IFIT1: variants seen among roughly 807,000 people sequenced by gnomAD.
The protein encoded by IFIT1 is interferon induced protein with tetratricopeptide repeats 1.
IFIT1 carries 1 observed loss-of-function variant against 2.5 expected under a neutral mutation model. That is an observed-to-expected ratio of 0.40 (90% CI 0.14 to 1.92). IFIT1 has a LOEUF of 1.92. Ranked by LOEUF, IFIT1 falls within the 40% of genes most tolerant of loss-of-function variation. The probability of loss-of-function intolerance (pLI) is 0.31; values close to 1 mark genes in which losing one functional copy is unlikely to be tolerated. For missense variants in IFIT1, 508 were observed against 557.8 expected, an observed-to-expected ratio of 0.91 and a Z score of 0.90; for synonymous variants, 191 against 201.7, an observed-to-expected ratio of 0.95 and a Z score of 0.45.
intron 1 of IFIT1, chr10:89,393,270 C>A: frequency 1.6e-6 from 2 of 1,289,656 alleles, no homozygotes; most frequent in Non-Finnish European, 2.0e-6. Context: ...TGGCCTCTTA[C>A]AACAGGTTTT....
chr10:89,403,260 T>C lies in IFIT1; in HGVS notation c.985T>C (p.Phe329Leu). The change falls in exon 2 of 2, where the codon TTT becomes CTT. Residue 329 changes from phenylalanine (F) to leucine (L), a missense_variant. Physicochemically the swap from Phe to Leu is conservative, Grantham distance 22. Coordinates refer to ENST00000371804, the MANE Select transcript of IFIT1 (RefSeq NM_001548.5). ...AATGATAAGATCAGCCATATTTCAT[T>C]TTGAATCTGCAGTGGAAAAAAAGCC... ...DKMIRSAIFH[F>L]ESAVEKKPTF... 6.2e-7 allele frequency: 1 copy of C among 1,614,132 alleles called. No homozygotes were observed. Among genetic ancestry groups the C allele is most frequent in the Non-Finnish European group, 8.5e-7 (1 of 1,180,022 alleles).
intron 1 of IFIT1, among the ~76,000 whole-genome samples, chr10:89,398,122 T>C (rs1371040462): frequency 6.6e-6 from 1 of 152,122 alleles, no homozygotes; most frequent in African/African-American, 2.4e-5. Context: ...CGGGAAAAAC[T>C]ATAGGGAAAG....
In IFIT1 at chr10:89,406,067, C is replaced by T. The variant is rs892462817; in HGVS notation, c.*2355C>T. The T allele has an allele frequency of 6.6e-6, 1 of 152,184 alleles. No homozygotes were observed. Among genetic ancestry groups the T allele is most frequent in the Non-Finnish European group, 1.5e-5 (1 of 68,044 alleles). 9.4% of individuals were successfully genotyped at this position (152,184 alleles called of 1,614,324 possible). ...ATTATGGCACATCTCACATTAAATG[C>T]TATATTTTCGTTGGAAATACATTTT... On this transcript the variant is annotated 3_prime_UTR_variant, in exon 2 of 2. Transcript: ENST00000371804.
At chr10:89,397,563 A>G (rs1844362624) in intron 1 of IFIT1, among the ~76,000 whole-genome samples, 1 of 152,096 alleles carries the variant, frequency 6.6e-6, no homozygotes, top group East Asian at 1.9e-4. Flanking sequence ...TTTTATAGAG[A>G]CAGGGTCTTA....
In IFIT1 at chr10:89,403,816, A is replaced by C; in HGVS notation, c.*104A>C. On this transcript the variant is annotated 3_prime_UTR_variant, in exon 2 of 2. Transcript: ENST00000371804. ...TTCAGAAACATTATAATTCACTGTA[A>C]TGATGTAATTCTTGAATAATAAATC... 2 of 662,166 alleles carry C rather than the reference A, an allele frequency of 3.0e-6. No individual in the cohort carries two copies. The highest frequency in any genetic ancestry group is 5.1e-6 in the Non-Finnish European group (2 of 395,354). The allele number at this position is 662,166 out of a possible 1,614,324, so 41.0% of individuals were successfully genotyped here.
rs1027546850 is a variant in IFIT1 at position 89,404,557 on chromosome 10, A to G, written c.*845A>G. 6.6e-6 allele frequency: 1 copy of G among 152,160 alleles called. No homozygotes were observed. Among genetic ancestry groups the G allele is most frequent in the East Asian group, 1.9e-4 (1 of 5,190 alleles). 9.4% of individuals were successfully genotyped at this position (152,160 alleles called of 1,614,324 possible). On this transcript the variant is annotated 3_prime_UTR_variant, in exon 2 of 2. Transcript: ENST00000371804. ...CATAGCCCCCCATAACCTGTTAACT[A>G]TGTGTGTCTAGCCAATCCACCAACC... is the stretch of plus-strand genomic sequence containing the variant.
At position 89,406,466 on chromosome 10, in the gene IFIT1, C is replaced by A. The variant is rs1844533520; in HGVS notation, c.*2754C>A. The A allele has an allele frequency of 6.6e-6, 1 of 152,248 alleles. No homozygotes were observed. Among genetic ancestry groups the A allele is most frequent in the Non-Finnish European group, 1.5e-5 (1 of 68,086 alleles). The allele number at this position is 152,248 out of a possible 1,614,324, so 9.4% of individuals were successfully genotyped here. ...TGGAAGTTTTGTTCTTTCGCTCTTT[C>A]AATAAATCTTGCTGCTGCTCACTCT... On this transcript the variant is annotated 3_prime_UTR_variant, in exon 2 of 2. Transcript: ENST00000371804.
chr10:89,403,232 C>CA lies in IFIT1; in HGVS notation c.961dup (p.Met321AsnfsTer10). The CA allele has an allele frequency of 6.2e-7, 1 of 1,614,032 alleles. No homozygotes were observed. The highest frequency in any genetic ancestry group is 8.5e-7 in the Non-Finnish European group (1 of 1,180,024). On this transcript the variant is annotated frameshift_variant, in exon 2 of 2. Coordinates refer to ENST00000371804, the MANE Select transcript of IFIT1 (RefSeq NM_001548.5). LOFTEE classifies it low-confidence loss of function (END_TRUNC). Reference sequence around the variant, plus strand: ...GAGGGCAGAACAGAGAAAAGCTAGACAAAATGATAAGATCAGCCATATTTC... The same window carrying CA: ...GAGGGCAGAACAGAGAAAAGCTAGACAAAAATGATAAGATCAGCCATATTTC...
At chr10:89,394,719 T>C (rs1844316295) in intron 1 of IFIT1, among the ~76,000 whole-genome samples, 1 of 151,410 alleles carries the variant, frequency 6.6e-6, no homozygotes, top group African/African-American at 2.4e-5. Context: ...TACTTTAAAG[T>C]ATACAATTTA....
At position 89,403,827 on chromosome 10, in the gene IFIT1, C is replaced by G. The variant is rs909132140; in HGVS notation, c.*115C>G. On this transcript the variant is annotated 3_prime_UTR_variant, in exon 2 of 2. Coordinates refer to ENST00000371804, the MANE Select transcript of IFIT1 (RefSeq NM_001548.5). ...TATAATTCACTGTAATGATGTAATT[C>G]TTGAATAATAAATCTGACAAAATAT... The G allele has an allele frequency of 1.6e-6, 1 of 633,282 alleles. No individual in the cohort carries two copies. The highest frequency in any genetic ancestry group is 2.7e-6 in the Non-Finnish European group (1 of 375,586). The allele number at this position is 633,282 out of a possible 1,614,324, so 39.2% of individuals were successfully genotyped here.
At chr10:89,402,225 T>A in intron 1 of IFIT1, 56 bp from the exon 2 acceptor site, 1 of 1,167,978 alleles carries the variant, frequency 8.6e-7, no homozygotes, top group Non-Finnish European at 1.2e-6. Flanking sequence ...TTTATCTGAC[T>A]TTTTTCTTTT....
chr10:89,397,279 C>G (rs1844357789), intron 1 of IFIT1, among the ~76,000 whole-genome samples: 1 of 151,790 alleles, frequency 6.6e-6, no homozygotes, highest in South Asian at 2.1e-4. Context: ...GAGATAGATT[C>G]TGAGGAGTGG....
In IFIT1 at chr10:89,403,377, T is replaced by C. The variant is rs1844472725; in HGVS notation, c.1102T>C (p.Cys368Arg). 26 of 1,613,548 alleles carry C rather than the reference T, an allele frequency of 1.6e-5. No homozygotes were observed. The highest frequency in any genetic ancestry group is 2.1e-5 in the Non-Finnish European group (25 of 1,179,772). ...KAEENFQKLL[C>R]MKPVVEETMQ... ...TGAAGAGAATTTTCAAAAATTGTTA[T>C]GCATGAAACCAGTGGTAGAAGAAAC... Residue 368 changes from cysteine (C) to arginine (R), a missense_variant, in exon 2 of 2, where the codon TGC (cysteine) becomes CGC (arginine). Transcript: ENST00000371804.
rs531585331 is a variant in IFIT1, at chr10:89,397,727, T to C, written c.6-4554T>C. ...CCATTTATATTGGCTTTTCTACAAA[T>C]TATCTATTCACATAGATTTCCAGTG... On this transcript the variant is annotated intron_variant, in intron 1 of 1. Transcript: ENST00000371804. Among the ~76,000 whole-genome samples the C allele has an allele frequency of 2.6e-5, 4 of 152,276 alleles. No individual in the cohort carries two copies. In the South Asian group the frequency reaches 8.3e-4, roughly 32 times the overall value.
chr10:89,396,247 A>T (rs1353100127), intron 1 of IFIT1, among the ~76,000 whole-genome samples: 10 of 152,206 alleles, frequency 6.6e-5, no homozygotes. Context: ...ATTTCTCCAC[A>T]TCCTTATTGC....
chr10:89,393,043 C>A, intron 1 of IFIT1: 1 of 887,412 alleles, frequency 1.1e-6, no homozygotes, highest in South Asian at 1.6e-5. Context: ...CCATCAGATT[C>A]ACTTCTGTCT....
chr10:89,402,821 G>A lies in IFIT1; in HGVS notation c.546G>A (p.Ala182=), dbSNP rs767425117. 23 of 1,614,072 alleles carry A rather than the reference G, an allele frequency of 1.4e-5. No individual in the cohort carries two copies. Among genetic ancestry groups the A allele is most frequent in the African/African-American group, 5.3e-5 (4 of 74,912 alleles). ...PENPESSAGY[A]ISAYRLDGFK... ...ACCCTGAATCCAGCGCTGGGTATGCGATCTCTGCCTATCGCCTGGATGGCT... is the reference window on the plus strand; with the variant it reads ...ACCCTGAATCCAGCGCTGGGTATGCAATCTCTGCCTATCGCCTGGATGGCT... The change falls in exon 2 of 2, where the codon GCG becomes GCA. Residue 182 remains alanine (A), a synonymous_variant. Coordinates refer to ENST00000371804, the MANE Select transcript of IFIT1 (RefSeq NM_001548.5).
In IFIT1 at chr10:89,403,597, G is replaced by C; in HGVS notation, c.1322G>C (p.Ser441Thr). 6.2e-7 allele frequency: 1 copy of C among 1,614,052 alleles called. No individual in the cohort carries two copies. Among genetic ancestry groups the C allele is most frequent in the Non-Finnish European group, 8.5e-7 (1 of 1,179,948 alleles). The change falls in exon 2 of 2, where the codon AGC (serine) becomes ACC (threonine). Residue 441 changes from serine (S) to threonine (T), a missense_variant. Coordinates refer to ENST00000371804, the MANE Select transcript of IFIT1 (RefSeq NM_001548.5). ...AAGGCATTAGATCTGGAAAGCTTGA[G>C]CCTCCTTGGGTTCGTCTACAAATTG... The part of the protein sequence containing the change: ...RRKALDLESL[S>T]LLGFVYKLEG...
chr10:89,393,800 T>C (rs570919869), intron 1 of IFIT1, among the ~76,000 whole-genome samples: 3 of 152,296 alleles, frequency 2.0e-5, no homozygotes, highest in Admixed American at 1.3e-4. Context: ...AGTGCTCCAG[T>C]TGGCAAAATT....
Sources: gnomAD v4.1 joint callset for allele counts (sites outside exome capture counted in the v4.1 genomes callset) on GRCh38, gnomAD v4.1.1 for gene constraint, MANE v1.5 for transcripts, NCBI Gene and HGNC (gene_info 2026-07-23, HGNC 2026-07-21) for gene names.